SLMAP: variants seen among roughly 807,000 people sequenced by gnomAD.
SLMAP encodes the protein sarcolemmal membrane-associated protein.
A neutral mutation model predicts 128.8 loss-of-function variants in SLMAP; 44 were observed. The observed-to-expected ratio is 0.34, with a 90% CI of 0.27 to 0.44. The LOEUF (loss-of-function observed/expected upper bound fraction) is 0.44, where lower values mean the gene tolerates loss of function less well. Ranked by LOEUF, SLMAP falls within the 20% of genes least tolerant of loss-of-function variation. SLMAP has a pLI of 1.00. For synonymous variants in SLMAP, 327 were observed against 348.8 expected (o/e 0.94, Z 0.70); for missense variants, 787 against 985.3 (o/e 0.80, Z 2.69).
Position 57,757,189 on chromosome 3 carries a change from G to A in SLMAP, c.-463G>A, listed in dbSNP as rs958752837. The A allele has an allele frequency of 9.9e-6, 2 of 202,296 alleles. No individual in the cohort carries two copies. The highest frequency in any genetic ancestry group is 1.3e-4 in the East Asian group (1 of 7,430). The allele number at this position is 202,296 out of a possible 1,614,324, so 12.5% of individuals were successfully genotyped here. ...CCTTCGGCCCAAAAGGACTTTCCTG[G>A]CCGCGCCGAACCGACCCTTCATTCA... On this transcript the variant is annotated 5_prime_UTR_variant, in exon 2 of 25. Coordinates refer to ENST00000671191, the MANE Select transcript of SLMAP (RefSeq NM_001377540.1).
intron 2 of SLMAP, among the ~76,000 whole-genome samples, chr3:57,763,703 TAGA>T (rs2079119765): frequency 1.3e-5 from 2 of 152,144 alleles, no homozygotes; most frequent in Non-Finnish European, 2.9e-5. Flanking sequence ...TTACATTGGA[TAGA>T]GAGGGTGACA....
At chr3:57,761,191 A>G (rs926824657) in intron 2 of SLMAP, among the ~76,000 whole-genome samples, 4 of 152,160 alleles carry the variant, frequency 2.6e-5, no homozygotes, top group Admixed American at 1.3e-4. Context: ...AACTATTTAG[A>G]CAACACTGTG....
chr3:57,810,825 A>G (rs894363479), intron 2 of SLMAP, among the ~76,000 whole-genome samples: 1 of 152,026 alleles, frequency 6.6e-6, no homozygotes, highest in Non-Finnish European at 1.5e-5. Context: ...GGTTCTTTTC[A>G]TACCTTACTG....
chr3:57,862,638 C>CCAA (rs2095136343), intron 10 of SLMAP, among the ~76,000 whole-genome samples: 1 of 96,412 alleles, frequency 1.0e-5, no homozygotes, highest in Admixed American at 1.3e-4. Context: ...CTTCGTCTCA[C>CCAA]AAAAAAAAAA....
intron 14 of SLMAP, among the ~76,000 whole-genome samples, chr3:57,881,928 T>C (rs2153634828): frequency 6.6e-6 from 1 of 152,150 alleles, no homozygotes; most frequent in East Asian, 1.9e-4. Flanking sequence ...GCCCGGGAGT[T>C]AGAGGCTGCA....
chr3:57,847,296 T>G (rs1053927802), intron 5 of SLMAP, 63 bp downstream of exon 5: 182 of 1,184,024 alleles, frequency 1.5e-4, no homozygotes, highest in Non-Finnish European at 2.1e-4. Flanking sequence ...AAATGTTTGT[T>G]TTTAATATGC....
intron 17 of SLMAP, among the ~76,000 whole-genome samples, chr3:57,906,686 T>A (rs865777616): frequency 0.033 from 4,720 of 145,092 alleles, 184 homozygotes; most frequent in African/African-American, 0.082. Context: ...TATATATATA[T>A]ATATATATAT....
intron 23 of SLMAP, 111 bp from the exon 24 acceptor site, chr3:57,925,734 C>A: frequency 1.4e-6 from 1 of 717,716 alleles, no homozygotes; most frequent in Non-Finnish European, 2.4e-6. Context: ...GAGTGGTATA[C>A]TTCTATTATT....
intron 6 of SLMAP, among the ~76,000 whole-genome samples, chr3:57,853,991 A>T (rs1354935785): frequency 9.0e-6 from 1 of 111,082 alleles, no homozygotes; most frequent in African/African-American, 3.5e-5. Flanking sequence ...ATATATATAT[A>T]TATATATATT....
At chr3:57,869,814 T>G (rs1034843581) in intron 13 of SLMAP, among the ~76,000 whole-genome samples, 12 of 151,242 alleles carry the variant, frequency 7.9e-5, no homozygotes, top group African/African-American at 2.9e-4. Flanking sequence ...GTACATTTGT[T>G]TTATGCTTAG....
At chr3:57,875,896 A>G (rs2095594650) in intron 14 of SLMAP, among the ~76,000 whole-genome samples, 1 of 152,202 alleles carries the variant, frequency 6.6e-6, no homozygotes, top group African/African-American at 2.4e-5. Context: ...AATTCAGCAA[A>G]TATCTTAAGT....
intron 14 of SLMAP, among the ~76,000 whole-genome samples, chr3:57,887,616 A>T (rs2095931066): frequency 1.3e-5 from 2 of 152,204 alleles, no homozygotes; most frequent in Admixed American, 1.3e-4. Context: ...TCACTCAGAG[A>T]TCTAGACAGA....
rs556681886 is a variant in SLMAP at position 57,825,575 on chromosome 3, G to A, written c.199-5808G>A. Reference sequence around the variant, plus strand: ...TTATATTATAAAATACCTTTTTAAAGTTGAACCACCTAGGGTAAATCCCAC... The same window carrying A: ...TTATATTATAAAATACCTTTTTAAAATTGAACCACCTAGGGTAAATCCCAC... On this transcript the variant is annotated intron_variant, in intron 2 of 24. Transcript: ENST00000671191. Among the ~76,000 whole-genome samples, 25 of 143,704 alleles carry A rather than the reference G, an allele frequency of 1.7e-4. No homozygotes were observed. The South Asian group carries it at 5.6e-3, about 32-fold the overall frequency. The allele number at this position is 143,704 out of a possible 152,430, so 94.3% of individuals were successfully genotyped here. A position where few individuals can be genotyped will look rare whatever the true frequency, so the allele number is the denominator to read the frequency against.
At position 57,927,796 on chromosome 3, in the gene SLMAP, A is replaced by T. The variant is rs369926105; in HGVS notation, c.*507A>T. 1 of 153,276 alleles carries T rather than the reference A, an allele frequency of 6.5e-6. No homozygotes were observed. The highest frequency in any genetic ancestry group is 1.9e-4 in the East Asian group (1 of 5,208). The allele number at this position is 153,276 out of a possible 1,614,324, so 9.5% of individuals were successfully genotyped here. ...CCCAAACCAAACAACCAATACATAC[A>T]TGGGAAGAGAGGCCCTGTGTGCTCA... On this transcript the variant is annotated 3_prime_UTR_variant, in exon 25 of 25. Transcript: ENST00000671191.
chr3:57,808,515 A>G (rs896360904), intron 2 of SLMAP, among the ~76,000 whole-genome samples: 3 of 152,190 alleles, frequency 2.0e-5, no homozygotes, highest in Admixed American at 1.3e-4. Context: ...TTATTTACCC[A>G]GGAGTCATTC....
intron 5 of SLMAP, among the ~76,000 whole-genome samples, chr3:57,848,410 C>A (rs2094359604): frequency 6.7e-6 from 1 of 149,988 alleles, no homozygotes; most frequent in Non-Finnish European, 1.5e-5. Flanking sequence ...CTTCTTTCTT[C>A]CTTCTTTCTT....
intron 3 of SLMAP, among the ~76,000 whole-genome samples, chr3:57,832,566 A>T (rs2093403857): frequency 6.6e-6 from 1 of 152,238 alleles, no homozygotes; most frequent in Non-Finnish European, 1.5e-5. Context: ...CATTAGTTTA[A>T]TATGGATAGT....
intron 3 of SLMAP, among the ~76,000 whole-genome samples, chr3:57,837,934 G>A (rs1201926149): frequency 1.3e-5 from 2 of 152,190 alleles, no homozygotes; most frequent in Non-Finnish European, 2.9e-5. Flanking sequence ...TTAGTCAGAC[G>A]TGGGTTATTT....
intron 17 of SLMAP, among the ~76,000 whole-genome samples, chr3:57,904,213 A>T (rs1303584392): frequency 1.3e-5 from 2 of 152,196 alleles, no homozygotes; most frequent in Admixed American, 6.5e-5. Context: ...CAAACACTAT[A>T]GAGTTCAAGA....
Sources: gnomAD v4.1 joint callset for allele counts (sites outside exome capture counted in the v4.1 genomes callset) on GRCh38, gnomAD v4.1.1 for gene constraint, MANE v1.5 for transcripts, NCBI Gene and HGNC (gene_info 2026-07-23, HGNC 2026-07-21) for gene names.